Variants in MSRB2 observed in about 807,000 individuals in gnomAD.
MSRB2 encodes methionine sulfoxide reductase B2.
Under a neutral mutation model 19.0 loss-of-function variants are expected in MSRB2, and 17 were observed. The observed-to-expected ratio is 0.89, with a 90% confidence interval of 0.61 to 1.34. The LOEUF (loss-of-function observed/expected upper bound fraction) is 1.34, where lower values mean the gene tolerates loss of function less well. Ranked by LOEUF, MSRB2 falls within the 40% of genes most tolerant of loss-of-function variation. MSRB2 has a pLI of 0.00. For missense variants in MSRB2, 208 were observed against 237.6 expected (o/e 0.88, Z 0.82); for synonymous variants, 107 against 99.7 (o/e 1.07, Z -0.44).
chr10:23,117,895 C>A lies in MSRB2; in HGVS notation c.297-1409C>A, dbSNP rs138525184. Reference sequence around the variant, plus strand: ...CGTGGGCCACCACGCCAGCAAAATTCGAAACTTTTTGAGAACCAACATGCT... The same window carrying A: ...CGTGGGCCACCACGCCAGCAAAATTAGAAACTTTTTGAGAACCAACATGCT... On this transcript the variant is annotated intron_variant, in intron 3 of 4. Coordinates refer to ENST00000376510, the MANE Select transcript of MSRB2 (RefSeq NM_012228.4). Among the ~76,000 whole-genome samples, 14 of 152,266 alleles carry A rather than the reference C, an allele frequency of 9.2e-5. No homozygotes were observed. In the South Asian group the frequency reaches 1.0e-3, roughly 11 times the overall value.
At chr10:23,114,120 C>T (rs958605276) in intron 3 of MSRB2, among the ~76,000 whole-genome samples, 3 of 152,038 alleles carry the variant, frequency 2.0e-5, no homozygotes, top group Admixed American at 6.6e-5. Context: ...GAGGCCAAGG[C>T]GGGTGGATCA....
chr10:23,103,889 CT>C (rs1839955140), intron 1 of MSRB2, among the ~76,000 whole-genome samples: 1 of 152,200 alleles, frequency 6.6e-6, no homozygotes, highest in Non-Finnish European at 1.5e-5. Context: ...TCAGCTGCCT[CT>C]TTCACTTCTG....
intron 2 of MSRB2, 91 bp from the exon 3 acceptor site, chr10:23,110,151 T>C (rs1840033611): frequency 1.0e-6 from 1 of 959,968 alleles, no homozygotes; most frequent in African/African-American, 1.6e-5. Flanking sequence ...AATTCCTTGA[T>C]TTGGGGACTT....
At chr10:23,099,864 G>T (rs530825406) in intron 1 of MSRB2, among the ~76,000 whole-genome samples, 1 of 152,250 alleles carries the variant, frequency 6.6e-6, no homozygotes, top group Non-Finnish European at 1.5e-5. Context: ...GGTTCAAAGC[G>T]AAAGAAGTAC....
At position 23,108,950 on chromosome 10, in the gene MSRB2, A is replaced by T. The variant is rs114901059; in HGVS notation, c.220-1292A>T. ...ATGGTAGGCTCAGTAGGTTAATTTGAAATTGTCTTTTATACAGCTCACTGC... is the reference window on the plus strand; with the variant it reads ...ATGGTAGGCTCAGTAGGTTAATTTGTAATTGTCTTTTATACAGCTCACTGC... On this transcript the variant is annotated intron_variant, in intron 2 of 4. Coordinates refer to ENST00000376510, the MANE Select transcript of MSRB2 (RefSeq NM_012228.4). 8.1e-3 allele frequency among the ~76,000 whole-genome samples: 1,239 copies of T among 152,310 alleles called. 19 individuals are homozygous for T. Among genetic ancestry groups the T allele is most frequent in the African/African-American group, 0.029 (1,205 of 41,562 alleles).
chr10:23,112,878 C>G (rs182140642), intron 3 of MSRB2, among the ~76,000 whole-genome samples: 1 of 152,278 alleles, frequency 6.6e-6, no homozygotes, highest in East Asian at 1.9e-4. Context: ...GCCAGCGCAC[C>G]CGGGCGTAAT....
chr10:23,097,912 G>A lies in MSRB2; in HGVS notation c.118+2186G>A, dbSNP rs113424960. ...AGAGAGAGGGAGACATTGGGAGGGG[G>A]GAAATGAGAAGATATTGAAATGACA... On this transcript the variant is annotated intron_variant, in intron 1 of 4. Coordinates refer to ENST00000376510, the MANE Select transcript of MSRB2 (RefSeq NM_012228.4). Among the ~76,000 whole-genome samples the A allele has an allele frequency of 1.3e-3, 191 of 152,150 alleles. No homozygotes were observed. In the Middle Eastern group the frequency reaches 0.051, roughly 41 times the overall value.
Position 23,121,420 on chromosome 10 carries a change from T to A in MSRB2, c.*558T>A, listed in dbSNP as rs1840181988. On this transcript the variant is annotated 3_prime_UTR_variant, in exon 5 of 5. Coordinates refer to ENST00000376510, the MANE Select transcript of MSRB2 (RefSeq NM_012228.4). ...GCACCAAGCCATGAGGGATCCACCC[T>A]CATGACCCAGTTACCTCCCGGCAGG... 1 of 152,260 alleles carries A rather than the reference T, an allele frequency of 6.6e-6. No homozygotes were observed. 9.4% of individuals were successfully genotyped at this position (152,260 alleles called of 1,614,324 possible). A position where few individuals can be genotyped will look rare whatever the true frequency, so the allele number is the denominator to read the frequency against.
intron 1 of MSRB2, among the ~76,000 whole-genome samples, chr10:23,098,250 G>A (rs16923009): frequency 0.065 from 9,877 of 152,170 alleles, 862 homozygotes; most frequent in African/African-American, 0.19. Flanking sequence ...GGGCTTATGT[G>A]TGACAATTGG....
chr10:23,116,178 G>A (rs193042464), intron 3 of MSRB2, among the ~76,000 whole-genome samples: 60 of 152,126 alleles, frequency 3.9e-4, no homozygotes, highest in African/African-American at 1.3e-3. Context: ...CACACAGAAA[G>A]TGAGGTGATA....
chr10:23,120,212 C>T (rs1029486701), intron 4 of MSRB2, among the ~76,000 whole-genome samples: 4 of 152,210 alleles, frequency 2.6e-5, no homozygotes, highest in South Asian at 2.1e-4. Context: ...CTGCGGGTGA[C>T]GTCAGCACCT....
At position 23,121,080 on chromosome 10, in the gene MSRB2, C is replaced by A; in HGVS notation, c.*218C>A. 1 of 418,528 alleles carries A rather than the reference C, an allele frequency of 2.4e-6. No homozygotes were observed. The highest frequency in any genetic ancestry group is 4.2e-6 in the Non-Finnish European group (1 of 237,536). 25.9% of individuals were successfully genotyped at this position (418,528 alleles called of 1,614,324 possible). Reference sequence around the variant, plus strand: ...CTATAAAGAAGTACCTGATCAGGATCTGGGAGAATTTGAAAAAAAAAGAAA... The same window carrying A: ...CTATAAAGAAGTACCTGATCAGGATATGGGAGAATTTGAAAAAAAAAGAAA... On this transcript the variant is annotated 3_prime_UTR_variant, in exon 5 of 5. Transcript: ENST00000376510.
At chr10:23,102,378 C>T (rs1458854527) in intron 1 of MSRB2, among the ~76,000 whole-genome samples, 2 of 152,178 alleles carry the variant, frequency 1.3e-5, no homozygotes, top group Admixed American at 6.6e-5. Context: ...CATATACCAA[C>T]AATGTCTTTT....
In MSRB2 at chr10:23,119,265, T is replaced by C. The variant is rs573833422; in HGVS notation, c.297-39T>C. The C allele has an allele frequency of 4.0e-5, 64 of 1,607,642 alleles. No individual in the cohort carries two copies. In the South Asian group the frequency reaches 5.7e-4, roughly 14 times the overall value. ...GCACCTCTTGGCATGTTAATGACAG[T>C]GTCATTAGCAGCTGTAGTATCGTTT... is the stretch of plus-strand genomic sequence containing the variant. On this transcript the variant is annotated intron_variant, in intron 3 of 4. Transcript: ENST00000376510.
At chr10:23,110,094 A>G (rs1840032896) in intron 2 of MSRB2, 148 bp from the exon 3 acceptor site, 1 of 601,002 alleles carries the variant, frequency 1.7e-6, no homozygotes, top group Non-Finnish European at 2.9e-6. Flanking sequence ...TGGGTACATT[A>G]TAATTTTCTC....
rs183037719 is a variant in MSRB2, at chr10:23,101,674, C to A, written c.119-2470C>A. ...TGCAGAGAAATGGGAAGAGAGCTGA[C>A]TGGGGAAAGATGGTTCCATGGTTCA... is the stretch of plus-strand genomic sequence containing the variant. On this transcript the variant is annotated intron_variant, in intron 1 of 4. Transcript: ENST00000376510. Among the ~76,000 whole-genome samples the A allele has an allele frequency of 2.4e-3, 372 of 152,228 alleles. 15 individuals carry two copies. The highest frequency in any genetic ancestry group is 0.023 in the Admixed American group (350 of 15,296).
intron 3 of MSRB2, among the ~76,000 whole-genome samples, chr10:23,116,203 G>C (rs911964740): frequency 9.0e-6 from 1 of 111,436 alleles, no homozygotes; most frequent in Non-Finnish European, 1.9e-5. Context: ...CATTGCTATT[G>C]TTAGCTTAAA....
At chr10:23,119,726 T>C (rs552696919) in intron 4 of MSRB2, among the ~76,000 whole-genome samples, 104 of 152,184 alleles carry the variant, frequency 6.8e-4, no homozygotes, top group African/African-American at 2.5e-3. Context: ...TCCCGAGTAG[T>C]TGGGATTACA....
At position 23,104,220 on chromosome 10, in the gene MSRB2, C is replaced by A; in HGVS notation, c.195C>A (p.Val65=). The A allele has an allele frequency of 1.9e-6, 3 of 1,613,668 alleles. No homozygotes were observed. The highest frequency in any genetic ancestry group is 1.3e-5 in the African/African-American group (1 of 74,988). Residue 65 remains valine, a synonymous_variant, in exon 2 of 5, where the codon GTC becomes GTA. Coordinates refer to ENST00000376510, the MANE Select transcript of MSRB2 (RefSeq NM_012228.4). The part of the protein sequence containing the change: ...QKKLTPEQFY[V]TREKGTEPPF... ...AACTAACCCCGGAGCAGTTCTACGT[C>A]ACAAGAGAAAAGGGAACGGAACCGG...
Sources: allele counts gnomAD v4.1 joint callset (sites outside exome capture counted in the v4.1 genomes callset), GRCh38; gene constraint gnomAD v4.1.1; transcripts MANE v1.5; gene names NCBI Gene and HGNC (gene_info 2026-07-23, HGNC 2026-07-21).